The following CCDC191 variants were observed in gnomAD, a reference collection of about 807,000 sequenced individuals.
The protein encoded by CCDC191 is coiled-coil domain containing 191, also known as coiled-coil domain-containing protein 191.
A neutral mutation model predicts 114.0 loss-of-function variants in CCDC191; 99 were observed. The observed-to-expected ratio is 0.87, with a 90% confidence interval of 0.74 to 1.03. The LOEUF (loss-of-function observed/expected upper bound fraction) is 1.03, where lower values mean the gene tolerates loss of function less well. Ranked by LOEUF, CCDC191 falls within the 50% of genes least tolerant of loss-of-function variation. The pLI, the probability that CCDC191 is intolerant of heterozygous loss-of-function variation, is 0.00. For missense variants in CCDC191, 973 were observed against 1,087.0 expected, an observed-to-expected ratio of 0.90 and a Z score of 1.47; for synonymous variants, 351 against 376.0, an observed-to-expected ratio of 0.93 and a Z score of 0.77.
At chr3:114,011,108 G>A in intron 8 of CCDC191, 87 bp from the exon 9 acceptor site, 2 of 1,407,268 alleles carry the variant, frequency 1.4e-6, no homozygotes, top group South Asian at 1.4e-5. Flanking sequence ...GTCCAAAAGG[G>A]TTCTAGAAAT....
At chr3:114,035,204 A>T in intron 5 of CCDC191, 56 bp from the exon 6 acceptor site, 1 of 1,298,090 alleles carries the variant, frequency 7.7e-7, no homozygotes, top group South Asian at 1.2e-5. Context: ...AAGGGATATG[A>T]AAAGCCTTAC....
intron 13 of CCDC191, among the ~76,000 whole-genome samples, chr3:113,982,672 CA>C (rs2075200228): frequency 2.6e-5 from 4 of 151,834 alleles, no homozygotes; most frequent in African/African-American, 7.3e-5. Flanking sequence ...GACACTGCCC[CA>C]AAACTCTTGG....
chr3:114,032,045 C>A lies in CCDC191; in HGVS notation c.819-266G>T, dbSNP rs11916552. The stretch of plus-strand genomic sequence containing the variant: ...ATACTTTAGTATTTTTATTGAGTTG[C>A]ACACTGAGCCATACTTTGATCAAAA... On this transcript the variant is annotated intron_variant, in intron 6 of 16. Transcript: ENST00000295878. Among the ~76,000 whole-genome samples, 844 of 152,110 alleles carry A rather than the reference C, an allele frequency of 5.5e-3. 11 individuals carry two copies. Among genetic ancestry groups the A allele is most frequent in the African/African-American group, 0.016 (666 of 41,516 alleles).
At chr3:113,969,519 T>G (rs2107560901) in intron 16 of CCDC191, among the ~76,000 whole-genome samples, 1 of 152,294 alleles carries the variant, frequency 6.6e-6, no homozygotes, top group African/African-American at 2.4e-5. Flanking sequence ...TGGATTTGAT[T>G]TTTGTGTATG....
At chr3:113,978,809 A>T (rs1402055556) in intron 15 of CCDC191, 49 bp downstream of exon 15, 1 of 1,567,572 alleles carries the variant, frequency 6.4e-7, no homozygotes, top group Non-Finnish European at 8.7e-7. Flanking sequence ...TTTCTTAAAT[A>T]GAATTGAGCA....
At position 114,017,351 on chromosome 3, in the gene CCDC191, A is replaced by G. The variant is rs144820092; in HGVS notation, c.1163+1327T>C. ...CCTGGCACTCTTTAGGAATCTCCTT[A>G]GCCACAGCTACACATTCTTGCCACG... On this transcript the variant is annotated intron_variant, in intron 8 of 16. Transcript: ENST00000295878. Among the ~76,000 whole-genome samples, 758 of 152,260 alleles carry G rather than the reference A, an allele frequency of 5.0e-3. 8 individuals are homozygous for G. Among genetic ancestry groups the G allele is most frequent in the African/African-American group, 0.017 (717 of 41,550 alleles).
Position 113,978,126 on chromosome 3 carries a change from A to C in CCDC191, c.2606+60T>G, listed in dbSNP as rs970866833. On this transcript the variant is annotated intron_variant, in intron 16 of 16. Transcript: ENST00000295878. ...TCTGCAGACACATTGTAGGAGCAGA[A>C]TATATTGCTGAGCAATTGTGAAGTC... 4.4e-6 allele frequency: 7 copies of C among 1,584,414 alleles called. No homozygotes were observed. In the African/African-American group the frequency reaches 9.4e-5, roughly 21 times the overall value.
chr3:113,996,430 G>A (rs555893299), intron 13 of CCDC191, among the ~76,000 whole-genome samples: 1 of 152,248 alleles, frequency 6.6e-6, no homozygotes, highest in Non-Finnish European at 1.5e-5. Flanking sequence ...GATGTGTGGT[G>A]TTACTTCTGA....
intron 1 of CCDC191, among the ~76,000 whole-genome samples, chr3:114,055,806 TGGGTG>T (rs2076766234): frequency 6.6e-6 from 1 of 152,202 alleles, no homozygotes; most frequent in Non-Finnish European, 1.5e-5. Context: ...TGCATCCAAA[TGGGTG>T]ATAGATACGG....
intron 13 of CCDC191, among the ~76,000 whole-genome samples, chr3:113,981,741 A>C (rs1577339873): frequency 2.0e-5 from 3 of 152,346 alleles, no homozygotes; most frequent in Non-Finnish European, 4.4e-5. Flanking sequence ...CAGAGAGAGC[A>C]ATGGAACATT....
chr3:113,980,061 T>C (rs1030374849), intron 14 of CCDC191, among the ~76,000 whole-genome samples: 1 of 152,224 alleles, frequency 6.6e-6, no homozygotes, highest in African/African-American at 2.4e-5. Context: ...CTCAATGACT[T>C]TGAGCTTGGC....
At chr3:113,976,692 G>GAGTT (rs1941380045) in intron 16 of CCDC191, among the ~76,000 whole-genome samples, 1 of 151,864 alleles carries the variant, frequency 6.6e-6, no homozygotes, top group African/African-American at 2.4e-5. Context: ...TGCATTGAGT[G>GAGTT]AGTTACTATA....
chr3:114,031,573 T>C, intron 7 of CCDC191, 53 bp downstream of exon 7: 2 of 1,426,856 alleles, frequency 1.4e-6, no homozygotes, highest in South Asian at 1.2e-5. Flanking sequence ...CTGATGGAGC[T>C]CTTTGTCATT....
At chr3:113,993,746 A>C (rs1377077057) in intron 13 of CCDC191, among the ~76,000 whole-genome samples, 1 of 152,018 alleles carries the variant, frequency 6.6e-6, no homozygotes, top group Non-Finnish European at 1.5e-5. Context: ...TTAGCTGGGC[A>C]TGGTGGTGTG....
At chr3:113,973,587 G>A (rs1343349508) in intron 16 of CCDC191, among the ~76,000 whole-genome samples, 1 of 146,666 alleles carries the variant, frequency 6.8e-6, no homozygotes, top group Non-Finnish European at 1.5e-5. Context: ...CAGTATTCTT[G>A]GATGGCAGGT....
Position 114,010,942 on chromosome 3 carries a change from C to A in CCDC191, c.1243G>T (p.Ala415Ser), listed in dbSNP as rs143944825. 3.7e-6 allele frequency: 6 copies of A among 1,614,006 alleles called. No individual in the cohort carries two copies. Among genetic ancestry groups the A allele is most frequent in the Middle Eastern group, 1.7e-4 (1 of 6,060 alleles). Reference sequence around the variant, plus strand: ...GCCAGCTCTCTCTTCAGGAGCTCGGCGCCATGCCAATGCTGCCATTCTGTA... The same window carrying A: ...GCCAGCTCTCTCTTCAGGAGCTCGGAGCCATGCCAATGCTGCCATTCTGTA... Reference protein sequence around the residue: ...CFTEWQHWHGAELLKRELALT... With the variant: ...CFTEWQHWHGSELLKRELALT... Residue 415 changes from alanine to serine, a missense_variant, in exon 9 of 17, where the codon GCC (alanine) becomes TCC (serine). Ala to Ser is a moderately conservative substitution (Grantham distance 99). Coordinates refer to ENST00000295878, the MANE Select transcript of CCDC191 (RefSeq NM_020817.2).
intron 11 of CCDC191, 29 bp downstream of exon 11, chr3:114,004,608 C>A (rs767059051): frequency 1.3e-6 from 2 of 1,536,638 alleles, no homozygotes; most frequent in Non-Finnish European, 1.7e-6. Context: ...AGATAACAAC[C>A]ACCAAGGCCA....
chr3:113,996,129 T>C (rs955592116), intron 13 of CCDC191, among the ~76,000 whole-genome samples: 1 of 152,218 alleles, frequency 6.6e-6, no homozygotes, highest in African/African-American at 2.4e-5. Context: ...TTAGTTTAAT[T>C]AGATCCCATT....
rs1354183289 is a variant in CCDC191 at position 114,042,755 on chromosome 3, AC to A, written c.362del (p.Ser121MetfsTer12). 2.5e-6 allele frequency: 4 copies of A among 1,600,870 alleles called. No homozygotes were observed. The highest frequency in any genetic ancestry group is 3.4e-6 in the Non-Finnish European group (4 of 1,175,570). On this transcript the variant is annotated frameshift_variant, in exon 4 of 17. Transcript: ENST00000295878. LOFTEE classifies it high-confidence loss of function. ...EEGDAKNTVS[S>X]VTIMPEANGH... ...CATTGGCTTCCGGCATAATAGTGACACTTGACACAGTGTTTTTAGCATCACC... is the reference window on the plus strand; with the variant it reads ...CATTGGCTTCCGGCATAATAGTGACATTGACACAGTGTTTTTAGCATCACC...
Sources: gnomAD v4.1 joint callset for allele counts (sites outside exome capture counted in the v4.1 genomes callset) on GRCh38, gnomAD v4.1.1 for gene constraint, MANE v1.5 for transcripts, NCBI Gene and HGNC (gene_info 2026-07-23, HGNC 2026-07-21) for gene names.